Variants in DLGAP4 observed in about 807,000 individuals in gnomAD.
The protein encoded by DLGAP4 is disks large-associated protein 4.
In DLGAP4, 18 loss-of-function variants were observed where a neutral mutation model predicts 86.9. The observed-to-expected ratio is 0.21, with a 90% CI of 0.14 to 0.31. The LOEUF is 0.31. Ranked by LOEUF, DLGAP4 falls within the 10% of genes least tolerant of loss-of-function variation. DLGAP4 has a pLI of 1.00. For missense variants in DLGAP4, 1,085 were observed against 1,362.6 expected, an observed-to-expected ratio of 0.80 and a Z score of 3.21; for synonymous variants, 548 against 574.3, an observed-to-expected ratio of 0.95 and a Z score of 0.65.
intron 2 of DLGAP4, among the ~76,000 whole-genome samples, chr20:36,368,446 G>A (rs1569474567): frequency 6.6e-6 from 1 of 152,238 alleles, no homozygotes; most frequent in African/African-American, 2.4e-5. Flanking sequence ...TGTAGATAAC[G>A]TATGTAGAAG....
At position 36,430,600 on chromosome 20, in the gene DLGAP4, T is replaced by G. The variant is rs1265450489; in HGVS notation, c.-72-1046T>G. On this transcript the variant is annotated intron_variant, in intron 2 of 12. Coordinates refer to ENST00000339266, the MANE Select transcript of DLGAP4 (RefSeq NM_001365621.2). The stretch of plus-strand genomic sequence containing the variant: ...TGGGAGACCAAGGCTGGAGGATCCC[T>G]TGATCCCAGGAGGCCAAGGCTGCAG... Among the ~76,000 whole-genome samples the G allele has an allele frequency of 2.1e-5, 3 of 144,350 alleles. No homozygotes were observed. The East Asian group carries it at 6.2e-4, about 30-fold the overall frequency. The allele number at this position is 144,350 out of a possible 152,430, so 94.7% of individuals were successfully genotyped here.
At chr20:36,502,888 T>G (rs906895700) in intron 10 of DLGAP4, among the ~76,000 whole-genome samples, 4 of 151,990 alleles carry the variant, frequency 2.6e-5, no homozygotes, top group Non-Finnish European at 5.9e-5. Context: ...CATGCCCAGC[T>G]AATTTTTTGT....
At chr20:36,396,735 A>G (rs2032013081) in intron 2 of DLGAP4, among the ~76,000 whole-genome samples, 1 of 151,784 alleles carries the variant, frequency 6.6e-6, no homozygotes, top group South Asian at 2.1e-4. Flanking sequence ...CCAGGGGCCT[A>G]TTGAAGACTT....
At chr20:36,461,477 C>A in intron 7 of DLGAP4, 1 of 981,878 alleles carries the variant, frequency 1.0e-6, no homozygotes, top group East Asian at 1.1e-4. Context: ...CGTACAAAAC[C>A]GGAGCCTCGG....
chr20:36,497,407 C>G, intron 8 of DLGAP4: 1 of 1,142,512 alleles, frequency 8.8e-7, no homozygotes, highest in Non-Finnish European at 1.1e-6. Context: ...CCAGCTGACC[C>G]GTGGGAGGCG....
Position 36,431,681 on chromosome 20 carries a change from C to A in DLGAP4, c.-37C>A. ...GCCCGGGAGAGGTGACCCGGGCGCC[C>A]TGCTAGGGTGAAGGCCCCTGCCCTC... On this transcript the variant is annotated 5_prime_UTR_variant, in exon 3 of 13. The change creates a new upstream start codon in the 5' untranslated region. Coordinates refer to ENST00000339266, the MANE Select transcript of DLGAP4 (RefSeq NM_001365621.2). This position sits in a 1 kb window ranked among gnomAD's most constrained non-coding sequence, Gnocchi z 5.1. The A allele has an allele frequency of 6.5e-7, 1 of 1,539,552 alleles. No homozygotes were observed. The highest frequency in any genetic ancestry group is 2.3e-5 in the East Asian group (1 of 44,096).
chr20:36,510,001 C>T (rs933990197), intron 10 of DLGAP4, among the ~76,000 whole-genome samples: 1 of 151,054 alleles, frequency 6.6e-6, no homozygotes, highest in Non-Finnish European at 1.5e-5. Flanking sequence ...GGATTACAGG[C>T]ATGCGCCACC....
At chr20:36,404,509 TC>T (rs1439079039) in intron 2 of DLGAP4, among the ~76,000 whole-genome samples, 1 of 152,138 alleles carries the variant, frequency 6.6e-6, no homozygotes, top group East Asian at 1.9e-4. Context: ...ATCCCTCCAC[TC>T]CTGAAAAATC....
intron 1 of DLGAP4, among the ~76,000 whole-genome samples, chr20:36,314,990 GTTATGTA>G (rs2065083401): frequency 7.2e-6 from 1 of 138,386 alleles, no homozygotes; most frequent in African/African-American, 2.7e-5. Context: ...TGGTGTGTGT[GTTATGTA>G]TGGTGTGTGT....
chr20:36,362,560 G>C (rs2030555140), intron 1 of DLGAP4, among the ~76,000 whole-genome samples: 1 of 152,136 alleles, frequency 6.6e-6, no homozygotes, highest in Non-Finnish European at 1.5e-5. Flanking sequence ...AGGAAGGAGG[G>C]AAAACCCAGA....
At chr20:36,519,513 G>A (rs977893417) in intron 10 of DLGAP4, among the ~76,000 whole-genome samples, 2 of 152,140 alleles carry the variant, frequency 1.3e-5, no homozygotes, top group African/African-American at 4.8e-5. Context: ...CACTTGGGTT[G>A]TTTCTACCTT....
At chr20:36,441,287 G>A (rs1419211339) in intron 5 of DLGAP4, among the ~76,000 whole-genome samples, 1 of 152,144 alleles carries the variant, frequency 6.6e-6, no homozygotes, top group Non-Finnish European at 1.5e-5. Context: ...ATACGAGTGT[G>A]CCATGTCATT....
At chr20:36,351,309 G>A (rs1218814392) in intron 1 of DLGAP4, among the ~76,000 whole-genome samples, 1 of 152,212 alleles carries the variant, frequency 6.6e-6, no homozygotes, top group Non-Finnish European at 1.5e-5. Flanking sequence ...TCCGTGGCCT[G>A]TTAGGAACTG....
intron 2 of DLGAP4, among the ~76,000 whole-genome samples, chr20:36,416,520 A>G (rs1189152777): frequency 6.6e-6 from 1 of 152,196 alleles, no homozygotes; most frequent in Non-Finnish European, 1.5e-5. Flanking sequence ...CGCCCTCTCC[A>G]TGCACCACCA....
At chr20:36,332,951 C>T (rs2065284844) in intron 1 of DLGAP4, among the ~76,000 whole-genome samples, 1 of 152,236 alleles carries the variant, frequency 6.6e-6, no homozygotes, top group Non-Finnish European at 1.5e-5. Context: ...AGACAGGAGG[C>T]TCTTTCTTTC....
At chr20:36,316,408 C>T (rs1212697388) in intron 1 of DLGAP4, among the ~76,000 whole-genome samples, 1 of 152,082 alleles carries the variant, frequency 6.6e-6, no homozygotes, top group Admixed American at 6.5e-5. Context: ...CCTGCCTTTG[C>T]GTTTACTGTT....
chr20:36,418,176 C>T (rs1005176719), intron 2 of DLGAP4, among the ~76,000 whole-genome samples: 7 of 151,982 alleles, frequency 4.6e-5, no homozygotes, highest in South Asian at 2.1e-4. Context: ...TACAATGGCG[C>T]GATCTTGGCT....
In DLGAP4 at chr20:36,349,324, A is replaced by G. The variant is rs1305128886; in HGVS notation, c.-303-17721A>G. On this transcript the variant is annotated intron_variant, in intron 1 of 12. Transcript: ENST00000339266. ...TCCCAGCTACTCGGGAGGCTGAGCC[A>G]GGAGAATGGCATGAACCCGGGAGGC... 3.2e-4 allele frequency among the ~76,000 whole-genome samples: 49 copies of G among 151,340 alleles called. 1 individual carries two copies. Among genetic ancestry groups the G allele is most frequent in the Admixed American group, 3.2e-3 (48 of 15,186 alleles).
At chr20:36,462,553 C>T (rs752781655) in intron 7 of DLGAP4, 1 of 1,601,456 alleles carries the variant, frequency 6.2e-7, no homozygotes, top group Admixed American at 1.7e-5. Flanking sequence ...GGGTCTCTGA[C>T]CCCCATCCGG....
Sources: gnomAD v4.1 joint callset for allele counts (sites outside exome capture counted in the v4.1 genomes callset) on GRCh38, gnomAD v4.1.1 for gene constraint, Gnocchi (gnomAD v3.1) non-coding constraint, MANE v1.5 for transcripts, NCBI Gene and HGNC (gene_info 2026-07-23, HGNC 2026-07-21) for gene names.